The following GABRB1 variants were observed in gnomAD, a reference collection of about 807,000 sequenced individuals.
GABRB1 encodes the protein gamma-aminobutyric acid receptor subunit beta-1.
GABRB1 carries 17 observed loss-of-function variants against 51.6 expected under a neutral mutation model. The observed-to-expected ratio is 0.33, with a 90% CI of 0.23 to 0.49. GABRB1 has a LOEUF of 0.49. GABRB1 is among the 20% of genes least tolerant of loss of function. The probability of loss-of-function intolerance (pLI) is 0.99; values close to 1 mark genes in which losing one functional copy is unlikely to be tolerated. For missense variants in GABRB1, 410 were observed against 600.6 expected (o/e 0.68, Z 3.32); for synonymous variants, 247 against 218.9 (o/e 1.13, Z -1.14).
chr4:47,201,703 A>G (rs1212609803), intron 4 of GABRB1, among the ~76,000 whole-genome samples: 1 of 152,182 alleles, frequency 6.6e-6, no homozygotes, highest in Non-Finnish European at 1.5e-5. Flanking sequence ...ATTTTTAAAT[A>G]TATGAAATGT....
intron 4 of GABRB1, among the ~76,000 whole-genome samples, chr4:47,308,428 C>G (rs973866043): frequency 1.3e-5 from 2 of 151,996 alleles, no homozygotes; most frequent in African/African-American, 4.8e-5. Context: ...CCTTAGGGAG[C>G]TGGGAATTTT....
At chr4:47,019,823 A>C (rs1040762929) in intron 1 of GABRB1, among the ~76,000 whole-genome samples, 1 of 149,512 alleles carries the variant, frequency 6.7e-6, no homozygotes, top group Non-Finnish European at 1.5e-5. Flanking sequence ...CTCCCACCTC[A>C]ACCTCTCTAG....
intron 3 of GABRB1, among the ~76,000 whole-genome samples, chr4:47,070,199 C>T (rs939364687): frequency 1.3e-5 from 2 of 152,008 alleles, no homozygotes; most frequent in African/African-American, 4.8e-5. Flanking sequence ...CCATGCCCAG[C>T]TAATTTTTGT....
At chr4:47,377,352 G>A (rs1051112941) in intron 5 of GABRB1, among the ~76,000 whole-genome samples, 4 of 151,576 alleles carry the variant, frequency 2.6e-5, no homozygotes, top group African/African-American at 9.8e-5. Flanking sequence ...CGCCGTGAGT[G>A]TTACAGTTCT....
At chr4:47,309,615 C>A (rs1447187274) in intron 4 of GABRB1, among the ~76,000 whole-genome samples, 1 of 151,986 alleles carries the variant, frequency 6.6e-6, no homozygotes, top group African/African-American at 2.4e-5. Flanking sequence ...AAGTAAGTCA[C>A]AGGGTATAGT....
At chr4:47,312,185 T>G (rs1724716470) in intron 4 of GABRB1, among the ~76,000 whole-genome samples, 1 of 152,052 alleles carries the variant, frequency 6.6e-6, no homozygotes, top group South Asian at 2.1e-4. Flanking sequence ...TGACCGTTCT[T>G]TAAAGTTTTT....
At chr4:47,328,419 T>C (rs1440111394) in intron 5 of GABRB1, among the ~76,000 whole-genome samples, 1 of 152,166 alleles carries the variant, frequency 6.6e-6, no homozygotes, top group African/African-American at 2.4e-5. Flanking sequence ...TTGCCTAGGT[T>C]TTCTTCTAGG....
chr4:47,223,021 AC>A (rs1375141486), intron 4 of GABRB1, among the ~76,000 whole-genome samples: 1 of 152,114 alleles, frequency 6.6e-6, no homozygotes, highest in Non-Finnish European at 1.5e-5. Flanking sequence ...GCATTGTAGT[AC>A]CCCAGGTTCT....
intron 4 of GABRB1, among the ~76,000 whole-genome samples, chr4:47,269,885 T>C (rs1722789524): frequency 6.7e-6 from 1 of 150,302 alleles, no homozygotes; most frequent in Non-Finnish European, 1.5e-5. Flanking sequence ...TTTTACATTA[T>C]TCACTACTTA....
intron 5 of GABRB1, among the ~76,000 whole-genome samples, chr4:47,350,212 T>TAGAGAGAGAGAG (rs778764022): frequency 1.3e-4 from 11 of 85,638 alleles, no homozygotes; most frequent in African/African-American, 4.1e-4. Flanking sequence ...TATATATATA[T>TAGAGAGAGAGAG]ATATATAGAG....
chr4:47,169,330 G>T (rs911415841), intron 4 of GABRB1, among the ~76,000 whole-genome samples: 5 of 152,000 alleles, frequency 3.3e-5, no homozygotes, highest in Non-Finnish European at 5.9e-5. Flanking sequence ...CTCTTATTTA[G>T]CAGTTTTCTA....
intron 1 of GABRB1, among the ~76,000 whole-genome samples, chr4:47,022,688 G>C (rs534012022): frequency 6.6e-6 from 1 of 152,122 alleles, no homozygotes; most frequent in East Asian, 1.9e-4. Context: ...GAGAACACTT[G>C]TACACTGTTG....
At chr4:47,300,172 A>C (rs1724200713) in intron 4 of GABRB1, among the ~76,000 whole-genome samples, 1 of 152,086 alleles carries the variant, frequency 6.6e-6, no homozygotes, top group African/African-American at 2.4e-5. Flanking sequence ...GCACACTAGC[A>C]CAGCACATGT....
At chr4:47,298,450 A>G (rs1433093711) in intron 4 of GABRB1, among the ~76,000 whole-genome samples, 1 of 152,186 alleles carries the variant, frequency 6.6e-6, no homozygotes. Context: ...AATAACAGAC[A>G]AACAGAGAGC....
At position 47,378,697 on chromosome 4, in the gene GABRB1, G is replaced by T. The variant is rs58175001; in HGVS notation, c.545-24621G>T. 6.5e-3 allele frequency among the ~76,000 whole-genome samples: 985 copies of T among 152,312 alleles called. 20 individuals are homozygous for T. Among genetic ancestry groups the T allele is most frequent in the African/African-American group, 0.023 (940 of 41,570 alleles). The stretch of plus-strand genomic sequence containing the variant: ...GACGGGGTTTCACCATGTTGGCCAG[G>T]CTGGTCTCAAACTCCTGACCTCAGG... On this transcript the variant is annotated intron_variant, in intron 5 of 8. Transcript: ENST00000295454.
chr4:47,212,149 T>C (rs1194259165), intron 4 of GABRB1, among the ~76,000 whole-genome samples: 1 of 152,104 alleles, frequency 6.6e-6, no homozygotes, highest in African/African-American at 2.4e-5. Flanking sequence ...AAATGTGGAC[T>C]TTTAATATAA....
At chr4:47,424,375 G>A (rs1022269585) in intron 8 of GABRB1, among the ~76,000 whole-genome samples, 1 of 152,070 alleles carries the variant, frequency 6.6e-6, no homozygotes, top group African/African-American at 2.4e-5. Flanking sequence ...AAATAGGGTT[G>A]CTGTATTAAA....
chr4:47,018,263 G>C (rs1436706817), intron 1 of GABRB1, among the ~76,000 whole-genome samples: 1 of 150,882 alleles, frequency 6.6e-6, no homozygotes, highest in Non-Finnish European at 1.5e-5. Flanking sequence ...CCTGGCCTCT[G>C]TCTGGCCTCA....
At chr4:47,373,744 G>T (rs1218903208) in intron 5 of GABRB1, among the ~76,000 whole-genome samples, 2 of 152,154 alleles carry the variant, frequency 1.3e-5, no homozygotes, top group African/African-American at 2.4e-5. Context: ...TATGTGGGAA[G>T]GTAAGGCCTG....
Sources: gnomAD v4.1 joint callset for allele counts (sites outside exome capture counted in the v4.1 genomes callset) on GRCh38, gnomAD v4.1.1 for gene constraint, MANE v1.5 for transcripts, NCBI Gene and HGNC (gene_info 2026-07-23, HGNC 2026-07-21) for gene names.